Variants in CDH7 observed in about 807,000 individuals in gnomAD.
CDH7 encodes cadherin 7.
CDH7 carries 25 observed loss-of-function variants against 71.8 expected under a neutral mutation model. The observed-to-expected ratio is 0.35, with a 90% confidence interval of 0.25 to 0.49. The LOEUF (loss-of-function observed/expected upper bound fraction) is 0.49. Ranked by LOEUF, CDH7 falls within the 20% of genes least tolerant of loss-of-function variation. CDH7 has a pLI of 0.99. For missense variants in CDH7, 862 were observed against 974.6 expected, an observed-to-expected ratio of 0.88 and a Z score of 1.54; for synonymous variants, 381 against 363.8, an observed-to-expected ratio of 1.05 and a Z score of -0.54.
At chr18:65,773,111 A>C (rs1350074373) in intron 2 of CDH7, among the ~76,000 whole-genome samples, 1 of 152,050 alleles carries the variant, frequency 6.6e-6, no homozygotes, top group Non-Finnish European at 1.5e-5. Flanking sequence ...GTGTGTAAGG[A>C]GTAGAAAGTT....
At chr18:65,874,871 A>G (rs1219087193) in intron 11 of CDH7, among the ~76,000 whole-genome samples, 1 of 152,098 alleles carries the variant, frequency 6.6e-6, no homozygotes, top group East Asian at 1.9e-4. Flanking sequence ...GAGCATTCTG[A>G]CATTTGCAAG....
intron 11 of CDH7, chr18:65,865,406 G>C (rs1427306705): frequency 6.6e-6 from 1 of 152,078 alleles, no homozygotes; most frequent in Non-Finnish European, 1.5e-5. Flanking sequence ...TATTGCTTAA[G>C]TAGACACCAA....
Position 65,822,133 on chromosome 18 carries a change from T to C in CDH7, c.678T>C (p.Tyr226=). ...PNMDREAKDQ[Y]LLVIQAKDMV... is the part of the protein sequence containing the mutation. ...TGGATAGAGAGGCTAAAGACCAGTA[T>C]TTGCTTGTCATTCAGGCAAAGGATA... Residue 226 remains tyrosine (Y), a synonymous_variant, in exon 5 of 12, where the codon TAT becomes TAC. Coordinates refer to ENST00000397968, the MANE Select transcript of CDH7 (RefSeq NM_004361.5). The C allele has an allele frequency of 1.2e-6, 2 of 1,613,076 alleles. No individual in the cohort carries two copies. The highest frequency in any genetic ancestry group is 2.2e-5 in the East Asian group (1 of 44,820).
intron 7 of CDH7, among the ~76,000 whole-genome samples, chr18:65,845,076 T>A (rs2143994914): frequency 6.6e-6 from 1 of 152,046 alleles, no homozygotes; most frequent in South Asian, 2.1e-4. Flanking sequence ...AATTACTTAA[T>A]ATTTATTGAT....
chr18:65,765,319 A>G (rs2143794039), intron 2 of CDH7, among the ~76,000 whole-genome samples: 2 of 152,184 alleles, frequency 1.3e-5, no homozygotes, highest in Middle Eastern at 6.8e-3. Context: ...GAACTTGATT[A>G]CTATAGATTT....
intron 2 of CDH7, among the ~76,000 whole-genome samples, chr18:65,790,095 T>C (rs1910657914): frequency 6.6e-6 from 1 of 151,174 alleles, no homozygotes; most frequent in South Asian, 2.1e-4. Flanking sequence ...CCGGGCATGG[T>C]AGTGGGCGCC....
At chr18:65,829,074 A>G (rs1406468678) in intron 6 of CDH7, among the ~76,000 whole-genome samples, 4 of 152,164 alleles carry the variant, frequency 2.6e-5, no homozygotes, top group Non-Finnish European at 5.9e-5. Flanking sequence ...AATAATGTAT[A>G]GCAACAGAAG....
chr18:65,778,417 C>T (rs1261891130), intron 2 of CDH7, among the ~76,000 whole-genome samples: 1 of 150,034 alleles, frequency 6.7e-6, no homozygotes, highest in African/African-American at 2.4e-5. Context: ...AAACTGGTTT[C>T]TTTTTATTCC....
At chr18:65,847,051 T>A (rs1912959961) in intron 7 of CDH7, among the ~76,000 whole-genome samples, 1 of 152,174 alleles carries the variant, frequency 6.6e-6, no homozygotes, top group Non-Finnish European at 1.5e-5. Flanking sequence ...CCAATAGATA[T>A]AACATATTGT....
At chr18:65,853,939 A>ATG (rs1913250014) in intron 7 of CDH7, among the ~76,000 whole-genome samples, 1 of 107,556 alleles carries the variant, frequency 9.3e-6, no homozygotes, top group African/African-American at 3.3e-5. Context: ...ATATATATAT[A>ATG]TATATATATA....
At chr18:65,800,262 A>C (rs764097965) in intron 2 of CDH7, among the ~76,000 whole-genome samples, 1 of 151,772 alleles carries the variant, frequency 6.6e-6, no homozygotes, top group Middle Eastern at 3.2e-3. Flanking sequence ...TGTATTTTTA[A>C]TAGAGACAGG....
intron 7 of CDH7, among the ~76,000 whole-genome samples, chr18:65,848,564 T>C (rs898625335): frequency 1.4e-5 from 2 of 145,990 alleles, no homozygotes; most frequent in African/African-American, 5.1e-5. Flanking sequence ...CCAAGAAAAA[T>C]CATGCAAAGT....
At chr18:65,848,971 T>C (rs1913033144) in intron 7 of CDH7, among the ~76,000 whole-genome samples, 1 of 152,296 alleles carries the variant, frequency 6.6e-6, no homozygotes, top group Admixed American at 6.5e-5. Flanking sequence ...TGTGTATTTT[T>C]TAAGTAGCTT....
intron 11 of CDH7, among the ~76,000 whole-genome samples, chr18:65,876,233 C>G (rs1177150820): frequency 6.6e-6 from 1 of 152,116 alleles, no homozygotes; most frequent in Admixed American, 6.5e-5. Flanking sequence ...TGCTAGAATG[C>G]TCAGAAAATG....
intron 11 of CDH7, among the ~76,000 whole-genome samples, chr18:65,866,690 A>C (rs1000659460): frequency 5.3e-5 from 8 of 152,224 alleles, no homozygotes; most frequent in Admixed American, 5.2e-4. Context: ...CATCGTGAAA[A>C]TATAAATATG....
intron 2 of CDH7, among the ~76,000 whole-genome samples, chr18:65,770,734 G>C (rs547763908): frequency 6.6e-6 from 1 of 152,258 alleles, no homozygotes; most frequent in Non-Finnish European, 1.5e-5. Context: ...AGAAGAGCTA[G>C]AAGGCATATC....
At chr18:65,821,775 T>G (rs1911938676) in intron 4 of CDH7, among the ~76,000 whole-genome samples, 1 of 152,170 alleles carries the variant, frequency 6.6e-6, no homozygotes, top group African/African-American at 2.4e-5. Flanking sequence ...TGTCCATTAT[T>G]CTAGGTAAAA....
intron 2 of CDH7, among the ~76,000 whole-genome samples, chr18:65,780,273 T>C (rs1910130624): frequency 8.5e-6 from 1 of 117,690 alleles, no homozygotes; most frequent in Non-Finnish European, 1.7e-5. Context: ...ACTCTGATGG[T>C]AGTTTCTTTT....
At chr18:65,879,315 A>T (rs2628209) in intron 11 of CDH7, among the ~76,000 whole-genome samples, 1 of 151,984 alleles carries the variant, frequency 6.6e-6, no homozygotes, top group Non-Finnish European at 1.5e-5. Flanking sequence ...ACAATAATGT[A>T]CCCTAAACGA....
Sources: allele counts gnomAD v4.1 joint callset (sites outside exome capture counted in the v4.1 genomes callset), GRCh38; gene constraint gnomAD v4.1.1; transcripts MANE v1.5; gene names NCBI Gene and HGNC (gene_info 2026-07-23, HGNC 2026-07-21).